The following THSD4 variants were observed in gnomAD, a reference collection of about 807,000 sequenced individuals.
THSD4 encodes the protein thrombospondin type 1 domain containing 4, also known as thrombospondin type-1 domain-containing protein 4.
Under a neutral mutation model 119.0 loss-of-function variants are expected in THSD4, and 69 were observed. That is an observed-to-expected ratio of 0.58 (90% CI 0.48 to 0.71). The LOEUF (loss-of-function observed/expected upper bound fraction) is 0.71, where lower values mean the gene tolerates loss of function less well. Among genes scored for constraint, THSD4 ranks in the 30% least tolerant of loss-of-function variants. The pLI is 0.00. For synonymous variants in THSD4, 524 were observed against 540.4 expected (o/e 0.97, Z 0.42); for missense variants, 1,393 against 1,391.1 (o/e 1.00, Z -0.02).
chr15:71,515,483 A>G (rs1239085705), intron 7 of THSD4, among the ~76,000 whole-genome samples: 1 of 152,116 alleles, frequency 6.6e-6, no homozygotes, highest in African/African-American at 2.4e-5. Flanking sequence ...TTGTGTAATC[A>G]CCAGCAAGTT....
chr15:71,483,399 A>G (rs2047764183), intron 7 of THSD4, among the ~76,000 whole-genome samples: 1 of 152,132 alleles, frequency 6.6e-6, no homozygotes, highest in Non-Finnish European at 1.5e-5. Flanking sequence ...TTCTCCTATC[A>G]AGGCTTGTTT....
chr15:71,724,287 A>ATATATATATATATATATTTTTTT, intron 8 of THSD4, among the ~76,000 whole-genome samples: 27 of 37,282 alleles, frequency 7.2e-4, no homozygotes, highest in South Asian at 2.0e-3. Flanking sequence ...ATATATATAT[A>ATATATATATATATATATTTTTTT]TTTTTTTTTT....
chr15:71,338,066 TC>T (rs2045511598), intron 6 of THSD4, among the ~76,000 whole-genome samples: 1 of 152,194 alleles, frequency 6.6e-6, no homozygotes, highest in African/African-American at 2.4e-5. Context: ...ATTAAACTGT[TC>T]CCCCATCAAT....
intron 6 of THSD4, among the ~76,000 whole-genome samples, chr15:71,343,345 GC>G (rs543648432): frequency 7.1e-4 from 108 of 152,328 alleles, no homozygotes; most frequent in Middle Eastern, 3.4e-3. Context: ...TAAATAGCCT[GC>G]CTTGCCCGCT....
rs903510509 is a variant in THSD4, at chr15:71,131,838, C to G, written c.-79-9611C>G. On this transcript the variant is annotated intron_variant, in intron 1 of 17. Transcript: ENST00000261862. ...GCTCAGTCCTCTATGCCTTCTCTTT[C>G]CCCTTGTTTGTTCATGGAATGGAAA... Among the ~76,000 whole-genome samples the G allele has an allele frequency of 5.3e-5, 8 of 152,294 alleles. No individual in the cohort carries two copies. The South Asian group carries it at 1.2e-3, about 24-fold the overall frequency.
At chr15:71,245,190 A>G (rs1406660839) in intron 5 of THSD4, among the ~76,000 whole-genome samples, 1 of 152,200 alleles carries the variant, frequency 6.6e-6, no homozygotes, top group Non-Finnish European at 1.5e-5. Flanking sequence ...ACATGTTGAC[A>G]CGGGATTGTA....
chr15:71,700,918 A>G (rs1440877305), intron 8 of THSD4, among the ~76,000 whole-genome samples: 1 of 152,114 alleles, frequency 6.6e-6, no homozygotes, highest in African/African-American at 2.4e-5. Context: ...ATAGAAAAAT[A>G]AAATCTATAA....
chr15:71,521,968 T>C (rs1311850467), intron 7 of THSD4, among the ~76,000 whole-genome samples: 1 of 152,218 alleles, frequency 6.6e-6, no homozygotes, highest in Non-Finnish European at 1.5e-5. Flanking sequence ...AGCCAGTCTG[T>C]GTCCCTTTGT....
chr15:71,395,511 G>A (rs1483167373), intron 6 of THSD4, among the ~76,000 whole-genome samples: 1 of 152,190 alleles, frequency 6.6e-6, no homozygotes, highest in Non-Finnish European at 1.5e-5. Context: ...GGAGGCCAAG[G>A]TGGGCAGATC....
At position 71,352,409 on chromosome 15, in the gene THSD4, A is replaced by G. The variant is rs147177532; in HGVS notation, c.1016-59278A>G. On this transcript the variant is annotated intron_variant, in intron 6 of 17. Coordinates refer to ENST00000261862, the MANE Select transcript of THSD4 (RefSeq NM_024817.3). ...GACATGTTTGTTTCCCTTGCCAACA[A>G]CTTTGTATGGAGATAAATTACAGGA... Among the ~76,000 whole-genome samples the G allele has an allele frequency of 2.1e-3, 318 of 152,278 alleles. 4 individuals are homozygous for G. The highest frequency in any genetic ancestry group is 7.2e-3 in the African/African-American group (301 of 41,554).
chr15:71,555,177 A>G (rs2048999763), intron 7 of THSD4, among the ~76,000 whole-genome samples: 1 of 152,140 alleles, frequency 6.6e-6, no homozygotes, highest in Non-Finnish European at 1.5e-5. Flanking sequence ...GCAGTACTGA[A>G]TTGGCGGGTC....
intron 6 of THSD4, among the ~76,000 whole-genome samples, chr15:71,361,311 A>G (rs2045889428): frequency 6.6e-6 from 1 of 152,198 alleles, no homozygotes; most frequent in Non-Finnish European, 1.5e-5. Context: ...TGGATTTTAA[A>G]GTGCTACCTC....
At chr15:71,272,668 C>T (rs2044545970) in intron 6 of THSD4, among the ~76,000 whole-genome samples, 1 of 151,938 alleles carries the variant, frequency 6.6e-6, no homozygotes, top group Non-Finnish European at 1.5e-5. Context: ...TCAAAACCAG[C>T]TTGGCCACGT....
At chr15:71,706,267 G>C (rs1460211427) in intron 8 of THSD4, among the ~76,000 whole-genome samples, 2 of 152,134 alleles carry the variant, frequency 1.3e-5, no homozygotes, top group Non-Finnish European at 2.9e-5. Context: ...TTCGCTGCTA[G>C]GGGTAAAAGA....
chr15:71,103,147 C>CTTT (rs34279644), intron 1 of THSD4, among the ~76,000 whole-genome samples: 1,438 of 141,056 alleles, frequency 0.01, 22 homozygotes, highest in African/African-American at 0.034. Context: ...AAAAAGAAGG[C>CTTT]TTTTTTTTTT....
intron 6 of THSD4, among the ~76,000 whole-genome samples, chr15:71,353,757 A>G (rs1380053888): frequency 6.6e-6 from 1 of 152,262 alleles, no homozygotes; most frequent in East Asian, 1.9e-4. Flanking sequence ...ATAAAATCCC[A>G]GCTTCTTTGC....
chr15:71,245,144 A>G (rs915673481), intron 5 of THSD4, among the ~76,000 whole-genome samples: 3 of 152,078 alleles, frequency 2.0e-5, no homozygotes, highest in African/African-American at 7.2e-5. Context: ...TTTTGGATGA[A>G]GGCAAAATAA....
chr15:71,429,034 T>C (rs990276979), intron 7 of THSD4, among the ~76,000 whole-genome samples: 1 of 152,228 alleles, frequency 6.6e-6, no homozygotes, highest in Non-Finnish European at 1.5e-5. Flanking sequence ...ACATGTTGGT[T>C]GTTTCCAGTC....
At chr15:71,424,799 TG>T (rs1336932297) in intron 7 of THSD4, among the ~76,000 whole-genome samples, 15 of 152,182 alleles carry the variant, frequency 9.9e-5, no homozygotes, top group Non-Finnish European at 1.6e-4. Flanking sequence ...TTTTATAGTT[TG>T]GGGGTGTATG....
Sources: allele counts gnomAD v4.1 joint callset (sites outside exome capture counted in the v4.1 genomes callset), GRCh38; gene constraint gnomAD v4.1.1; transcripts MANE v1.5; gene names NCBI Gene and HGNC (gene_info 2026-07-23, HGNC 2026-07-21).